DSCAM: variants seen among roughly 807,000 people sequenced by gnomAD.
DSCAM encodes the protein cell adhesion molecule DSCAM.
In DSCAM, 47 loss-of-function variants were observed where a neutral mutation model predicts 217.7. The observed-to-expected ratio is 0.22, with a 90% CI of 0.17 to 0.28. The LOEUF is 0.28. DSCAM is among the 10% of genes least tolerant of loss of function. The pLI, the probability that DSCAM is intolerant of heterozygous loss-of-function variation, is 1.00. For synonymous variants in DSCAM, 1,056 were observed against 1,015.3 expected, an observed-to-expected ratio of 1.04 and a Z score of -0.76; for missense variants, 2,080 against 2,618.3, an observed-to-expected ratio of 0.79 and a Z score of 4.49.
intron 2 of DSCAM, among the ~76,000 whole-genome samples, chr21:40,696,628 G>A (rs924000775): frequency 3.3e-5 from 5 of 152,088 alleles, no homozygotes; most frequent in Admixed American, 6.6e-5. Flanking sequence ...AGATCTTGGG[G>A]GATCTGATTC....
chr21:40,416,307 G>A (rs2075371666), intron 3 of DSCAM, among the ~76,000 whole-genome samples: 1 of 152,102 alleles, frequency 6.6e-6, no homozygotes, highest in South Asian at 2.1e-4. Context: ...TTGACCCACT[G>A]TGCTCACACA....
At chr21:40,694,327 A>G (rs77988714) in intron 2 of DSCAM, among the ~76,000 whole-genome samples, 5,619 of 152,292 alleles carry the variant, frequency 0.037, 131 homozygotes, top group Middle Eastern at 0.082. Context: ...CCTCACTTAA[A>G]GAATTAATCA....
At chr21:40,532,610 G>C (rs2837683) in intron 3 of DSCAM, among the ~76,000 whole-genome samples, 24,517 of 152,118 alleles carry the variant, frequency 0.16, 2,199 homozygotes, top group Middle Eastern at 0.23. Flanking sequence ...CAGTGGTCCG[G>C]AACAAGAAAG....
At chr21:40,401,921 C>T (rs1360376299) in intron 3 of DSCAM, among the ~76,000 whole-genome samples, 2 of 152,098 alleles carry the variant, frequency 1.3e-5, no homozygotes, top group Non-Finnish European at 2.9e-5. Flanking sequence ...ATATTTTACA[C>T]CCAACTGAGC....
intron 32 of DSCAM, among the ~76,000 whole-genome samples, chr21:40,041,983 G>A (rs921131916): frequency 3.3e-5 from 5 of 152,120 alleles, no homozygotes; most frequent in African/African-American, 4.8e-5. Context: ...AAGGAAACTG[G>A]CTATTTCCAC....
At chr21:40,068,196 G>C (rs906345425) in intron 27 of DSCAM, among the ~76,000 whole-genome samples, 1 of 152,116 alleles carries the variant, frequency 6.6e-6, no homozygotes, top group African/African-American at 2.4e-5. Flanking sequence ...GCTGCAAAGA[G>C]GGCTAAAAAA....
chr21:40,128,883 C>T (rs996814445), intron 19 of DSCAM, among the ~76,000 whole-genome samples: 9 of 152,118 alleles, frequency 5.9e-5, no homozygotes, highest in African/African-American at 1.2e-4. Flanking sequence ...ATTGTTTTAA[C>T]GTGTTAAGGT....
chr21:40,599,478 A>G (rs1319015058), intron 3 of DSCAM, among the ~76,000 whole-genome samples: 2 of 152,184 alleles, frequency 1.3e-5, no homozygotes, highest in Non-Finnish European at 2.9e-5. Context: ...AGGGAAATTT[A>G]TAGCACTAAA....
chr21:40,250,717 C>T (rs892832458), intron 11 of DSCAM, among the ~76,000 whole-genome samples: 3 of 152,220 alleles, frequency 2.0e-5, no homozygotes, highest in Non-Finnish European at 2.9e-5. Flanking sequence ...TGGGTCGGGG[C>T]TGACGTTCCC....
chr21:40,013,604 GTACT>G (rs1242695257), intron 32 of DSCAM, among the ~76,000 whole-genome samples: 1 of 152,136 alleles, frequency 6.6e-6, no homozygotes, highest in Non-Finnish European at 1.5e-5. Context: ...TTTTCCTACA[GTACT>G]TACTTACTTG....
At chr21:40,319,890 T>C (rs2074241360) in intron 8 of DSCAM, among the ~76,000 whole-genome samples, 2 of 152,192 alleles carry the variant, frequency 1.3e-5, no homozygotes, top group Non-Finnish European at 2.9e-5. Context: ...TGAGATCATG[T>C]CCTTTGCAGG....
At chr21:40,343,032 C>T (rs536067132) in intron 6 of DSCAM, among the ~76,000 whole-genome samples, 193 of 151,848 alleles carry the variant, frequency 1.3e-3, no homozygotes, top group African/African-American at 4.3e-3. Context: ...AAATCTTTCA[C>T]GTTTGTTTAA....
chr21:40,798,349 T>TTAATA (rs1214917699), intron 1 of DSCAM, among the ~76,000 whole-genome samples: 9 of 152,046 alleles, frequency 5.9e-5, no homozygotes, highest in African/African-American at 2.2e-4. Flanking sequence ...AAATGCCAAG[T>TTAATA]AGTTTCGATT....
chr21:40,171,535 G>A (rs2090657865), intron 15 of DSCAM, among the ~76,000 whole-genome samples: 1 of 150,504 alleles, frequency 6.6e-6, no homozygotes, highest in African/African-American at 2.5e-5. Context: ...TGTTCTGCCT[G>A]TTCCCTGAAG....
At chr21:40,545,302 T>A (rs1488475456) in intron 3 of DSCAM, among the ~76,000 whole-genome samples, 1 of 152,200 alleles carries the variant, frequency 6.6e-6, no homozygotes, top group African/African-American at 2.4e-5. Context: ...TGGTATTCTG[T>A]GACAGCAGCC....
chr21:40,352,157 G>C (rs1237979282), intron 5 of DSCAM, among the ~76,000 whole-genome samples: 1 of 152,074 alleles, frequency 6.6e-6, no homozygotes, highest in Non-Finnish European at 1.5e-5. Flanking sequence ...AGTCATAAGT[G>C]GGTTTTAATG....
rs554263599 is a variant in DSCAM at position 40,725,504 on chromosome 21, G to A, written c.44-16733C>T. ...GATCCAGTTCTGTATTTTTGCCCTT[G>A]CATATCAACAGACTGTTCGTATATG... is the stretch of plus-strand genomic sequence containing the variant. On this transcript the variant is annotated intron_variant, in intron 1 of 32. Coordinates refer to ENST00000400454, the MANE Select transcript of DSCAM (RefSeq NM_001389.5). 1.6e-4 allele frequency among the ~76,000 whole-genome samples: 25 copies of A among 152,264 alleles called. No individual in the cohort carries two copies. The South Asian group carries it at 1.9e-3, about 11-fold the overall frequency.
At position 40,109,694 on chromosome 21, in the gene DSCAM, C is replaced by T. The variant is rs191384523; in HGVS notation, c.3696+14501G>A. 7.7e-4 allele frequency among the ~76,000 whole-genome samples: 118 copies of T among 152,294 alleles called. 2 individuals are homozygous for T. The highest frequency in any genetic ancestry group is 1.2e-4 in the Non-Finnish European group (8 of 68,020). On this transcript the variant is annotated intron_variant, in intron 20 of 32. Coordinates refer to ENST00000400454, the MANE Select transcript of DSCAM (RefSeq NM_001389.5). ...TAAAGAAAGGGGTGACAGACGGCAC[C>T]TGGAAAATCGGGTCACTCCCACCCT...
At chr21:40,057,286 A>G (rs747106450) in intron 28 of DSCAM, among the ~76,000 whole-genome samples, 13 of 152,228 alleles carry the variant, frequency 8.5e-5, no homozygotes, top group Non-Finnish European at 1.3e-4. Context: ...CTAACTTGTC[A>G]TTCGTTGATT....
Sources: allele counts gnomAD v4.1 joint callset (sites outside exome capture counted in the v4.1 genomes callset), GRCh38; gene constraint gnomAD v4.1.1; transcripts MANE v1.5; gene names NCBI Gene and HGNC (gene_info 2026-07-23, HGNC 2026-07-21).